Variants in NREP observed in about 807,000 individuals in gnomAD.
NREP encodes neuronal regeneration related protein, also known as neuronal regeneration-related protein.
Under a neutral mutation model 8.6 loss-of-function variants are expected in NREP, and 5 were observed. That is an observed-to-expected ratio of 0.58 (90% confidence interval 0.30 to 1.22). The LOEUF is 1.22. Ranked by LOEUF, NREP falls within the 50% of genes most tolerant of loss-of-function variation. NREP has a pLI of 0.07. For synonymous variants in NREP, 27 were observed against 28.0 expected, an observed-to-expected ratio of 0.96 and a Z score of 0.11; for missense variants, 86 against 82.5, an observed-to-expected ratio of 1.04 and a Z score of -0.17.
chr5:111,910,147 G>C (rs922031634), intron 2 of NREP, among the ~76,000 whole-genome samples: 1 of 152,002 alleles, frequency 6.6e-6, no homozygotes, highest in Admixed American at 6.6e-5. Flanking sequence ...TCCTCAGCAA[G>C]CCACATTTAC....
chr5:111,768,116 T>A (rs76303334), intron 2 of NREP, among the ~76,000 whole-genome samples: 8,993 of 151,044 alleles, frequency 0.06, 393 homozygotes, highest in African/African-American at 0.12. Context: ...AATCAGGTTT[T>A]GTAAGATGGC....
At chr5:111,966,434 G>A (rs1284668641) in intron 2 of NREP, among the ~76,000 whole-genome samples, 2 of 152,118 alleles carry the variant, frequency 1.3e-5, no homozygotes, top group Non-Finnish European at 2.9e-5. Flanking sequence ...TTGGTATTGG[G>A]ATTTTTAAAA....
At chr5:111,888,229 A>C (rs1245797488) in intron 2 of NREP, among the ~76,000 whole-genome samples, 1 of 152,170 alleles carries the variant, frequency 6.6e-6, no homozygotes, top group Non-Finnish European at 1.5e-5. Context: ...GCAATATTTT[A>C]TTTTAGTCTG....
intron 2 of NREP, among the ~76,000 whole-genome samples, chr5:111,970,248 G>A (rs770207138): frequency 2.8e-4 from 42 of 152,032 alleles, no homozygotes; most frequent in Non-Finnish European, 5.0e-4. Flanking sequence ...AAATTATTTT[G>A]TGTCTAAGAC....
At chr5:111,767,063 A>G (rs932544360) in intron 2 of NREP, among the ~76,000 whole-genome samples, 3 of 152,208 alleles carry the variant, frequency 2.0e-5, no homozygotes, top group African/African-American at 7.2e-5. Context: ...CACACGTGAA[A>G]AAAGCCTCAA....
intron 2 of NREP, among the ~76,000 whole-genome samples, chr5:111,877,895 C>T (rs1051691073): frequency 6.6e-6 from 1 of 152,230 alleles, no homozygotes; most frequent in Non-Finnish European, 1.5e-5. Context: ...TAGGGCCACA[C>T]TGGAGTATGG....
At chr5:111,756,133 T>A in intron 1 of NREP, 3 of 1,077,928 alleles carry the variant, frequency 2.8e-6, no homozygotes, top group Non-Finnish European at 3.4e-6. Flanking sequence ...AACCAAGTGA[T>A]AAAAATAGAT....
At chr5:111,898,965 T>C (rs185273924) in intron 2 of NREP, among the ~76,000 whole-genome samples, 1 of 149,112 alleles carries the variant, frequency 6.7e-6, no homozygotes, top group African/African-American at 2.5e-5. Context: ...AAAAAAAAAA[T>C]GTCAGCCAAG....
At chr5:111,862,417 C>T (rs987235808) in intron 2 of NREP, among the ~76,000 whole-genome samples, 2 of 152,090 alleles carry the variant, frequency 1.3e-5, no homozygotes, top group African/African-American at 2.4e-5. Flanking sequence ...CAAAGAATGA[C>T]AGAGTACGGC....
At chr5:111,913,140 CA>C (rs1158399975) in intron 2 of NREP, among the ~76,000 whole-genome samples, 2 of 151,992 alleles carry the variant, frequency 1.3e-5, no homozygotes. Flanking sequence ...CCATTTTTTA[CA>C]GTAAAGGCAG....
chr5:111,887,209 C>G (rs1342823513), intron 2 of NREP, among the ~76,000 whole-genome samples: 1 of 152,106 alleles, frequency 6.6e-6, no homozygotes, highest in Non-Finnish European at 1.5e-5. Flanking sequence ...CAGGTGTAAA[C>G]TACCATGCCC....
At chr5:111,903,985 T>C (rs1279336530) in intron 2 of NREP, among the ~76,000 whole-genome samples, 2 of 152,164 alleles carry the variant, frequency 1.3e-5, no homozygotes, top group Admixed American at 1.3e-4. Context: ...GTAATTTGTC[T>C]ATACAAATTA....
chr5:111,959,015 G>GA (rs201055791), intron 2 of NREP, among the ~76,000 whole-genome samples: 36 of 149,860 alleles, frequency 2.4e-4, no homozygotes, highest in Admixed American at 6.7e-4. Context: ...TTTTCAGAAA[G>GA]AAAAAAAAAT....
chr5:111,951,897 T>C (rs574787195), intron 2 of NREP, among the ~76,000 whole-genome samples: 6 of 152,188 alleles, frequency 3.9e-5, no homozygotes, highest in East Asian at 1.9e-4. Context: ...AGAGCAATCA[T>C]ATAACTGTAC....
intron 2 of NREP, among the ~76,000 whole-genome samples, chr5:111,890,278 G>T (rs546474510): frequency 5.4e-4 from 82 of 152,346 alleles, no homozygotes; most frequent in Non-Finnish European, 8.7e-4. Context: ...GTTGTAAGGG[G>T]TGAATTCTCA....
At chr5:111,974,679 T>A (rs1162224704) in intron 2 of NREP, among the ~76,000 whole-genome samples, 3 of 152,220 alleles carry the variant, frequency 2.0e-5, no homozygotes, top group Admixed American at 6.5e-5. Flanking sequence ...CTCATCACTA[T>A]AAGAACTACT....
intron 2 of NREP, among the ~76,000 whole-genome samples, chr5:111,908,695 A>T (rs1429917693): frequency 6.6e-6 from 1 of 151,730 alleles, no homozygotes; most frequent in Non-Finnish European, 1.5e-5. Context: ...ACCTTGGTTG[A>T]CTCCGTGTTT....
intron 2 of NREP, among the ~76,000 whole-genome samples, chr5:111,805,275 T>A (rs1228989816): frequency 6.6e-6 from 1 of 152,212 alleles, no homozygotes; most frequent in Non-Finnish European, 1.5e-5. Context: ...GAAAAATGCT[T>A]CACAGACATT....
intron 2 of NREP, among the ~76,000 whole-genome samples, chr5:111,974,001 C>G (rs893152506): frequency 6.6e-6 from 1 of 152,290 alleles, no homozygotes; most frequent in South Asian, 2.1e-4. Flanking sequence ...TTCTCCAATA[C>G]TGAACATTTT....
Sources: gnomAD v4.1 joint callset for allele counts (sites outside exome capture counted in the v4.1 genomes callset) on GRCh38, gnomAD v4.1.1 for gene constraint, MANE v1.5 for transcripts, NCBI Gene and HGNC (gene_info 2026-07-23, HGNC 2026-07-21) for gene names.